Variants in GSTCD observed in about 807,000 individuals in gnomAD.
GSTCD encodes the protein glutathione S-transferase C-terminal domain-containing protein.
In GSTCD, 44 loss-of-function variants were observed where a neutral mutation model predicts 68.3. That is an observed-to-expected ratio of 0.64 (90% CI 0.51 to 0.83). The LOEUF (loss-of-function observed/expected upper bound fraction) is 0.83, where lower values mean the gene tolerates loss of function less well. Among genes scored for constraint, GSTCD ranks in the 40% least tolerant of loss-of-function variants. The pLI, the probability that GSTCD is intolerant of heterozygous loss-of-function variation, is 0.00. For missense variants in GSTCD, 739 were observed against 735.9 expected, an observed-to-expected ratio of 1.00 and a Z score of -0.05; for synonymous variants, 273 against 255.2, an observed-to-expected ratio of 1.07 and a Z score of -0.67.
At chr4:105,722,783 C>A (rs900591221) in intron 3 of GSTCD, among the ~76,000 whole-genome samples, 6 of 139,234 alleles carry the variant, frequency 4.3e-5, no homozygotes, top group Admixed American at 1.4e-4. Context: ...TTTTTTTTTT[C>A]TTGTCCTTAA....
chr4:105,749,921 C>G (rs1023497447), intron 5 of GSTCD, among the ~76,000 whole-genome samples: 3 of 152,098 alleles, frequency 2.0e-5, no homozygotes, highest in African/African-American at 7.2e-5. Context: ...CAAATATTCA[C>G]AAATTTGACA....
At chr4:105,782,945 G>T (rs1735336434) in intron 5 of GSTCD, among the ~76,000 whole-genome samples, 1 of 151,888 alleles carries the variant, frequency 6.6e-6, no homozygotes, top group African/African-American at 2.4e-5. Context: ...TACCAATTTG[G>T]GCTAAACTCA....
intron 5 of GSTCD, among the ~76,000 whole-genome samples, chr4:105,730,586 C>G (rs936385630): frequency 4.8e-4 from 73 of 151,860 alleles, no homozygotes; most frequent in East Asian, 1.9e-3. Context: ...TTTTGATGGG[C>G]TTGTTTGTTT....
intron 5 of GSTCD, among the ~76,000 whole-genome samples, chr4:105,765,922 G>A (rs1734589282): frequency 6.6e-6 from 1 of 152,152 alleles, no homozygotes; most frequent in Non-Finnish European, 1.5e-5. Flanking sequence ...CCCCAGCCAT[G>A]CGGAACTGTG....
chr4:105,804,107 AAGAGT>A (rs1736239109), intron 5 of GSTCD, among the ~76,000 whole-genome samples: 1 of 152,054 alleles, frequency 6.6e-6, no homozygotes, highest in Non-Finnish European at 1.5e-5. Context: ...ACTGGTTCTT[AAGAGT>A]ATATTTTAGT....
intron 3 of GSTCD, among the ~76,000 whole-genome samples, chr4:105,722,455 T>C (rs1732888159): frequency 6.6e-6 from 1 of 152,108 alleles, no homozygotes; most frequent in Non-Finnish European, 1.5e-5. Flanking sequence ...GCTGGGATTA[T>C]ATTTTCATTT....
intron 5 of GSTCD, among the ~76,000 whole-genome samples, chr4:105,773,030 T>A (rs1734917041): frequency 6.6e-6 from 1 of 152,248 alleles, no homozygotes; most frequent in Non-Finnish European, 1.5e-5. Context: ...TGCCTCAATT[T>A]CAGAACTTGT....
chr4:105,734,604 G>GTA (rs958297477), intron 5 of GSTCD, among the ~76,000 whole-genome samples: 84 of 152,198 alleles, frequency 5.5e-4, no homozygotes, highest in African/African-American at 2.0e-3. Context: ...TTTTTGCAAC[G>GTA]TTTTTAGCTT....
chr4:105,805,676 A>G (rs886688796), intron 5 of GSTCD, among the ~76,000 whole-genome samples: 10 of 152,088 alleles, frequency 6.6e-5, no homozygotes, highest in Non-Finnish European at 1.5e-4. Flanking sequence ...TACCCTTTTC[A>G]GTGCTGAATA....
In GSTCD at chr4:105,810,925, A is replaced by G. The variant is rs994104803; in HGVS notation, c.1241-12029A>G. ...AAGGGTCTATAATCTAAAGAATCTG[A>G]TCTGTGTCTTTGTTGACTCACTGCA... On this transcript the variant is annotated intron_variant, in intron 5 of 11. Coordinates refer to ENST00000515279, the MANE Select transcript of GSTCD (RefSeq NM_001370181.1). 6.6e-5 allele frequency among the ~76,000 whole-genome samples: 10 copies of G among 152,194 alleles called. No homozygotes were observed. The South Asian group carries it at 8.3e-4, about 13-fold the overall frequency.
intron 5 of GSTCD, among the ~76,000 whole-genome samples, chr4:105,804,549 C>A (rs984608099): frequency 6.6e-6 from 1 of 152,092 alleles, no homozygotes; most frequent in Non-Finnish European, 1.5e-5. Flanking sequence ...TGTAGAAATT[C>A]ATGGAGGACA....
chr4:105,726,263 A>G (rs1015484771), intron 3 of GSTCD, among the ~76,000 whole-genome samples: 1 of 152,182 alleles, frequency 6.6e-6, no homozygotes, highest in Non-Finnish European at 1.5e-5. Context: ...ACTAAGTGAT[A>G]GAAGAAAACC....
intron 5 of GSTCD, among the ~76,000 whole-genome samples, chr4:105,759,290 T>C (rs1372879122): frequency 6.6e-6 from 1 of 152,120 alleles, no homozygotes; most frequent in Non-Finnish European, 1.5e-5. Flanking sequence ...TACATTGTGC[T>C]AACGGAATTC....
intron 3 of GSTCD, among the ~76,000 whole-genome samples, chr4:105,726,185 C>T (rs1733026230): frequency 6.6e-6 from 1 of 152,046 alleles, no homozygotes; most frequent in Non-Finnish European, 1.5e-5. Flanking sequence ...ACAATGACTA[C>T]TAGTCATAAT....
intron 5 of GSTCD, among the ~76,000 whole-genome samples, chr4:105,805,145 G>GA (rs1722439693): frequency 6.6e-6 from 1 of 152,010 alleles, no homozygotes. Flanking sequence ...ATAGGGCTAA[G>GA]AAAAAACTAA....
intron 5 of GSTCD, among the ~76,000 whole-genome samples, chr4:105,800,914 C>T (rs1364123265): frequency 6.6e-6 from 1 of 152,088 alleles, no homozygotes; most frequent in African/African-American, 2.4e-5. Flanking sequence ...GATTCATTTA[C>T]ACTGAGTTCA....
intron 5 of GSTCD, among the ~76,000 whole-genome samples, chr4:105,811,180 CA>C (rs1488282017): frequency 1.3e-5 from 2 of 151,776 alleles, no homozygotes; most frequent in African/African-American, 4.8e-5. Context: ...TGCGATTCTC[CA>C]AAAAAATAGA....
intron 1 of GSTCD, among the ~76,000 whole-genome samples, chr4:105,714,420 C>T (rs114116659): frequency 0.012 from 1,846 of 151,086 alleles, 33 homozygotes; most frequent in African/African-American, 0.042. Context: ...AGAAAATTAG[C>T]GAACTAAGGC....
At chr4:105,749,856 C>T (rs1041166789) in intron 5 of GSTCD, among the ~76,000 whole-genome samples, 1 of 152,034 alleles carries the variant, frequency 6.6e-6, no homozygotes. Context: ...CTGCCAAAGA[C>T]TATTAAAAGG....
Sources: gnomAD v4.1 joint callset for allele counts (sites outside exome capture counted in the v4.1 genomes callset) on GRCh38, gnomAD v4.1.1 for gene constraint, MANE v1.5 for transcripts, NCBI Gene and HGNC (gene_info 2026-07-23, HGNC 2026-07-21) for gene names.